GALNT10: variants seen among roughly 807,000 people sequenced by gnomAD.
GALNT10 encodes polypeptide N-acetylgalactosaminyltransferase 10.
In GALNT10, 41 loss-of-function variants were observed where a neutral mutation model predicts 75.0. That is an observed-to-expected ratio of 0.55 (90% CI 0.43 to 0.71). The LOEUF (loss-of-function observed/expected upper bound fraction) is 0.71, where lower values mean the gene tolerates loss of function less well. Ranked by LOEUF, GALNT10 falls within the 30% of genes least tolerant of loss-of-function variation. The pLI is 0.00. For missense variants in GALNT10, 727 were observed against 818.5 expected, an observed-to-expected ratio of 0.89 and a Z score of 1.36; for synonymous variants, 302 against 313.0, an observed-to-expected ratio of 0.96 and a Z score of 0.37.
chr5:154,350,929 TCC>T (rs1014750445), intron 4 of GALNT10, among the ~76,000 whole-genome samples: 14 of 152,252 alleles, frequency 9.2e-5, no homozygotes, highest in African/African-American at 2.9e-4. Flanking sequence ...GTTTGCTGGG[TCC>T]CCCCACTTGT....
intron 1 of GALNT10, among the ~76,000 whole-genome samples, chr5:154,199,374 C>T (rs1774990874): frequency 6.6e-6 from 1 of 152,148 alleles, no homozygotes; most frequent in African/African-American, 2.4e-5. Flanking sequence ...CCCAGGAGTG[C>T]TTCAGGACCC....
intron 3 of GALNT10, among the ~76,000 whole-genome samples, chr5:154,314,867 C>T (rs1311414514): frequency 6.6e-6 from 1 of 151,686 alleles, no homozygotes; most frequent in Non-Finnish European, 1.5e-5. Context: ...AAAAAAAAGA[C>T]TGAAATTGCT....
At chr5:154,330,330 TG>T (rs370142523) in intron 4 of GALNT10, among the ~76,000 whole-genome samples, 548 of 152,364 alleles carry the variant, frequency 3.6e-3, no homozygotes, top group African/African-American at 0.011. Flanking sequence ...GCAGGGAATG[TG>T]AGTGTTTTGG....
intron 4 of GALNT10, among the ~76,000 whole-genome samples, chr5:154,351,570 C>T (rs1190385251): frequency 6.6e-6 from 1 of 152,196 alleles, no homozygotes; most frequent in African/African-American, 2.4e-5. Context: ...GCCATTGTGA[C>T]TTTGGTTCAC....
At chr5:154,288,042 G>T (rs1754139151) in intron 1 of GALNT10, among the ~76,000 whole-genome samples, 1 of 152,004 alleles carries the variant, frequency 6.6e-6, no homozygotes, top group South Asian at 2.1e-4. Flanking sequence ...AAACCTCAAA[G>T]CAAAATCATT....
chr5:154,368,044 T>C (rs1755504614), intron 4 of GALNT10, among the ~76,000 whole-genome samples: 2 of 152,362 alleles, frequency 1.3e-5, no homozygotes, highest in African/African-American at 4.8e-5. Flanking sequence ...AGTGATCTGA[T>C]CCTCAAACCT....
chr5:154,283,278 T>TAAAA (rs59422213), intron 1 of GALNT10, among the ~76,000 whole-genome samples: 10,896 of 79,208 alleles, frequency 0.14, 960 homozygotes, highest in Non-Finnish European at 0.16. Flanking sequence ...ACCTCGTCTG[T>TAAAA]AAAAAAAAAA....
rs1243205029 is a variant in GALNT10 at position 154,267,603 on chromosome 5, G to A, written c.160-27213G>A. Reference sequence around the variant, plus strand: ...CCTCTGGGTTCAATTTTTGGCCCCAGTGTTGACCTCTGTGTAAGCCTGGCA... The same window carrying A: ...CCTCTGGGTTCAATTTTTGGCCCCAATGTTGACCTCTGTGTAAGCCTGGCA... On this transcript the variant is annotated intron_variant, in intron 1 of 11. Transcript: ENST00000297107. 6.6e-5 allele frequency among the ~76,000 whole-genome samples: 10 copies of A among 152,318 alleles called. No individual in the cohort carries two copies. The East Asian group carries it at 1.2e-3, about 18-fold the overall frequency.
chr5:154,218,289 A>G (rs1752915363), intron 1 of GALNT10: 1 of 232,282 alleles, frequency 4.3e-6, no homozygotes, highest in Non-Finnish European at 7.1e-6. Flanking sequence ...TGAATTCTCC[A>G]GTTCGCTGTC....
intron 1 of GALNT10, among the ~76,000 whole-genome samples, chr5:154,193,228 A>G (rs1774886621): frequency 6.6e-6 from 1 of 152,220 alleles, no homozygotes; most frequent in South Asian, 2.1e-4. Context: ...GAGCAGCAGA[A>G]TGGAGCTGTT....
At chr5:154,355,527 C>G (rs1233010086) in intron 4 of GALNT10, among the ~76,000 whole-genome samples, 1 of 152,230 alleles carries the variant, frequency 6.6e-6, no homozygotes, top group African/African-American at 2.4e-5. Flanking sequence ...CCAGGTCCAG[C>G]GGGAGTAGGC....
At chr5:154,366,490 G>A (rs1458252970) in intron 4 of GALNT10, among the ~76,000 whole-genome samples, 4 of 152,176 alleles carry the variant, frequency 2.6e-5, no homozygotes, top group Admixed American at 2.6e-4. Flanking sequence ...GGGTGAGTGA[G>A]TCAGCCGGAT....
chr5:154,344,636 C>G (rs1020419589), intron 4 of GALNT10, among the ~76,000 whole-genome samples: 6 of 152,046 alleles, frequency 3.9e-5, no homozygotes, highest in African/African-American at 1.5e-4. Context: ...CTTGGCGAGC[C>G]CTCCACATGC....
At chr5:154,227,888 CTG>C (rs1432793692) in intron 1 of GALNT10, among the ~76,000 whole-genome samples, 2 of 152,092 alleles carry the variant, frequency 1.3e-5, no homozygotes, top group Non-Finnish European at 2.9e-5. Context: ...TCATGTTGAA[CTG>C]TAATCCCCAG....
intron 8 of GALNT10, among the ~76,000 whole-genome samples, chr5:154,408,574 T>C (rs769802308): frequency 2.8e-4 from 43 of 151,996 alleles, no homozygotes; most frequent in Non-Finnish European, 4.7e-4. Context: ...CCTCTTCCTC[T>C]GTCCCCAAGT....
At chr5:154,281,316 A>G (rs776703079) in intron 1 of GALNT10, among the ~76,000 whole-genome samples, 1 of 152,212 alleles carries the variant, frequency 6.6e-6, no homozygotes, top group Admixed American at 6.5e-5. Context: ...TTTTGACACC[A>G]TGGAAATCAG....
At chr5:154,303,218 A>G (rs1265053679) in intron 3 of GALNT10, among the ~76,000 whole-genome samples, 2 of 152,220 alleles carry the variant, frequency 1.3e-5, no homozygotes, top group African/African-American at 4.8e-5. Context: ...AAATGAGGTG[A>G]GCCCTATAGT....
intron 1 of GALNT10, among the ~76,000 whole-genome samples, chr5:154,247,473 C>T (rs552990018): frequency 1.1e-4 from 16 of 152,116 alleles, no homozygotes; most frequent in Non-Finnish European, 2.1e-4. Flanking sequence ...TGTTTGTATC[C>T]TCTTTTATTT....
intron 1 of GALNT10, among the ~76,000 whole-genome samples, chr5:154,248,720 G>T (rs140284116): frequency 0.04 from 6,064 of 152,156 alleles, 159 homozygotes; most frequent in African/African-American, 0.06. Context: ...TATTAGTCTT[G>T]CTAGTGGTCT....
Sources: allele counts gnomAD v4.1 joint callset (sites outside exome capture counted in the v4.1 genomes callset), GRCh38; gene constraint gnomAD v4.1.1; transcripts MANE v1.5; gene names NCBI Gene and HGNC (gene_info 2026-07-23, HGNC 2026-07-21).